CAB39: variants seen among roughly 807,000 people sequenced by gnomAD.
CAB39 encodes calcium-binding protein 39.
CAB39 carries 8 observed loss-of-function variants against 40.0 expected under a neutral mutation model. The observed-to-expected ratio is 0.20, with a 90% confidence interval of 0.12 to 0.36. The LOEUF (loss-of-function observed/expected upper bound fraction) is 0.36, where lower values mean the gene tolerates loss of function less well. CAB39 is among the 10% of genes least tolerant of loss of function. CAB39 has a pLI of 1.00. For synonymous variants in CAB39, 156 were observed against 141.6 expected (o/e 1.10, Z -0.72); for missense variants, 270 against 401.1 (o/e 0.67, Z 2.79).
chr2:230,784,614 G>T (rs1306934914), intron 2 of CAB39, among the ~76,000 whole-genome samples: 3 of 152,208 alleles, frequency 2.0e-5, no homozygotes, highest in Non-Finnish European at 4.4e-5. Flanking sequence ...AAGGATGGTG[G>T]TGAGTCACGG....
At chr2:230,803,345 C>T (rs1223617782) in intron 5 of CAB39, among the ~76,000 whole-genome samples, 9 of 152,168 alleles carry the variant, frequency 5.9e-5, no homozygotes, top group African/African-American at 2.2e-4. Context: ...AAAAGTTGCA[C>T]AAGACAGGGA....
At chr2:230,729,833 G>A (rs1178970003) in intron 1 of CAB39, among the ~76,000 whole-genome samples, 1 of 151,826 alleles carries the variant, frequency 6.6e-6, no homozygotes, top group Non-Finnish European at 1.5e-5. Flanking sequence ...AATCTTGAGC[G>A]AAAACCTCAT....
intron 2 of CAB39, among the ~76,000 whole-genome samples, chr2:230,767,493 A>G (rs1695407675): frequency 6.6e-6 from 1 of 152,182 alleles, no homozygotes; most frequent in African/African-American, 2.4e-5. Context: ...GTCAAATAAT[A>G]TATTCCTTAG....
At chr2:230,769,104 C>T (rs930258752) in intron 2 of CAB39, among the ~76,000 whole-genome samples, 1 of 152,076 alleles carries the variant, frequency 6.6e-6, no homozygotes, top group Non-Finnish European at 1.5e-5. Flanking sequence ...GCTGGAGGGG[C>T]TGTACTAATA....
At chr2:230,745,488 C>CTGG (rs1434198803) in intron 1 of CAB39, among the ~76,000 whole-genome samples, 2 of 152,282 alleles carry the variant, frequency 1.3e-5, no homozygotes, top group Non-Finnish European at 2.9e-5. Context: ...TTGGTTGGGA[C>CTGG]TGGGAGGTAC....
chr2:230,730,424 A>G (rs373531136), intron 1 of CAB39, among the ~76,000 whole-genome samples: 1 of 149,852 alleles, frequency 6.7e-6, no homozygotes, highest in African/African-American at 2.5e-5. Flanking sequence ...ACTAAAAACT[A>G]TACATTAGAA....
rs1167449721 is a variant in CAB39 at position 230,818,994 on chromosome 2, G to A, written c.*290G>A. ...GGTTCATGAAGGCAAATGTATGGAT[G>A]AGAGTGTGGTTTAGGAAAGAGGGCA... On this transcript the variant is annotated 3_prime_UTR_variant, in exon 9 of 9. Coordinates refer to ENST00000258418, the MANE Select transcript of CAB39 (RefSeq NM_016289.4). The A allele has an allele frequency of 9.8e-6, 3 of 304,654 alleles. No individual in the cohort carries two copies. The highest frequency in any genetic ancestry group is 6.6e-5 in the African/African-American group (3 of 45,520). 18.9% of individuals were successfully genotyped at this position (304,654 alleles called of 1,614,324 possible).
At chr2:230,754,069 C>G (rs1010954490) in intron 1 of CAB39, among the ~76,000 whole-genome samples, 4 of 152,146 alleles carry the variant, frequency 2.6e-5, no homozygotes, top group Admixed American at 2.6e-4. Context: ...GTCTGGACCT[C>G]TAGGATCAAG....
At chr2:230,715,697 CT>C (rs1352061082) in intron 1 of CAB39, among the ~76,000 whole-genome samples, 1 of 152,036 alleles carries the variant, frequency 6.6e-6, no homozygotes, top group African/African-American at 2.4e-5. Context: ...TGGTATTTGC[CT>C]TTTTGGTTTT....
chr2:230,721,320 A>G (rs1694448458), intron 1 of CAB39, among the ~76,000 whole-genome samples: 1 of 152,192 alleles, frequency 6.6e-6, no homozygotes, highest in African/African-American at 2.4e-5. Context: ...AATCCCAGCT[A>G]CTTAGAAGGC....
chr2:230,782,307 A>G (rs887292953), intron 2 of CAB39, among the ~76,000 whole-genome samples: 21 of 152,090 alleles, frequency 1.4e-4, no homozygotes, highest in African/African-American at 5.1e-4. Context: ...TTTTTGTTTA[A>G]TCAGCTTATA....
At chr2:230,740,200 A>T (rs1048251703) in intron 1 of CAB39, among the ~76,000 whole-genome samples, 1 of 152,174 alleles carries the variant, frequency 6.6e-6, no homozygotes, top group African/African-American at 2.4e-5. Context: ...TTATTTAATG[A>T]CTGTACACAA....
intron 2 of CAB39, among the ~76,000 whole-genome samples, chr2:230,787,090 G>A (rs183774476): frequency 1.4e-3 from 212 of 152,290 alleles, no homozygotes; most frequent in African/African-American, 4.8e-3. Context: ...TAGTGTAGGT[G>A]TAGTAAAAAG....
chr2:230,719,790 C>G (rs1007417409), intron 1 of CAB39, among the ~76,000 whole-genome samples: 2 of 152,136 alleles, frequency 1.3e-5, no homozygotes, highest in Non-Finnish European at 2.9e-5. Flanking sequence ...ATTCTCTTAC[C>G]CTTATTTTCA....
intron 5 of CAB39, among the ~76,000 whole-genome samples, chr2:230,809,977 A>G (rs911628829): frequency 3.3e-5 from 5 of 152,222 alleles, no homozygotes; most frequent in Non-Finnish European, 4.4e-5. Context: ...TAATTTCACT[A>G]CAATTCCTTA....
intron 1 of CAB39, chr2:230,725,251 C>A: frequency 6.3e-7 from 1 of 1,588,024 alleles, no homozygotes; most frequent in East Asian, 2.2e-5. Context: ...CTTTCTTTAG[C>A]ACCAGAAACT....
At position 230,786,939 on chromosome 2, in the gene CAB39, G is replaced by A. The variant is rs958267033; in HGVS notation, c.115-3933G>A. Among the ~76,000 whole-genome samples the A allele has an allele frequency of 5.6e-4, 86 of 152,306 alleles. 1 individual carries two copies. Among genetic ancestry groups the A allele is most frequent in the African/African-American group, 1.9e-3 (78 of 41,556 alleles). ...CATATGGGATGATGAACTACCATCA[G>A]ATCTCCAAGGCATTACCGATAATGA... On this transcript the variant is annotated intron_variant, in intron 2 of 8. Transcript: ENST00000258418.
At chr2:230,742,957 G>C (rs550966712) in intron 1 of CAB39, among the ~76,000 whole-genome samples, 1 of 152,290 alleles carries the variant, frequency 6.6e-6, no homozygotes, top group Admixed American at 6.5e-5. Flanking sequence ...TGCCTTATCA[G>C]AGTCACTCAG....
chr2:230,810,294 C>G lies in CAB39; in HGVS notation c.599C>G (p.Ala200Gly). 7.0e-7 allele frequency: 1 copy of G among 1,438,336 alleles called. No homozygotes were observed. Among genetic ancestry groups the G allele is most frequent in the South Asian group, 1.3e-5 (1 of 77,054 alleles). 89.1% of individuals were successfully genotyped at this position (1,438,336 alleles called of 1,614,324 possible). Residue 200 changes from alanine (A) to glycine (G), a missense_variant, in exon 6 of 9, where the codon GCA (alanine) becomes GGA (glycine). Physicochemically the swap from Ala to Gly is moderately conservative, Grantham distance 60 (BLOSUM62 0). Coordinates refer to ENST00000258418, the MANE Select transcript of CAB39 (RefSeq NM_016289.4). The stretch of plus-strand genomic sequence containing the variant: ...CTTACAAGACATAAATTGCTCAGTG[C>G]AGAATTTTTGGAACAGCATTATGAT... Reference protein sequence around the residue: ...DLLTRHKLLSAEFLEQHYDRF... With the variant: ...DLLTRHKLLSGEFLEQHYDRF...
Sources: gnomAD v4.1 joint callset for allele counts (sites outside exome capture counted in the v4.1 genomes callset) on GRCh38, gnomAD v4.1.1 for gene constraint, MANE v1.5 for transcripts, NCBI Gene and HGNC (gene_info 2026-07-23, HGNC 2026-07-21) for gene names.